PEG3: variants seen among roughly 807,000 people sequenced by gnomAD.
The protein encoded by PEG3 is paternally-expressed gene 3 protein.
A neutral mutation model predicts 35.5 loss-of-function variants in PEG3; 23 were observed. That is an observed-to-expected ratio of 0.65 (90% CI 0.47 to 0.92). The LOEUF is 0.92. PEG3 is among the 40% of genes least tolerant of loss of function. The pLI is 0.00. For missense variants in PEG3, 1,960 were observed against 1,985.3 expected (o/e 0.99, Z 0.24); for synonymous variants, 707 against 697.0 (o/e 1.01, Z -0.23).
At chr19:56,824,062 G>C (rs1425725437) in intron 4 of PEG3, among the ~76,000 whole-genome samples, 200 bp downstream of exon 4, 2 of 152,106 alleles carry the variant, frequency 1.3e-5, no homozygotes, top group African/African-American at 4.8e-5. Context: ...GGGATACCTG[G>C]GCATGTGTGG....
chr19:56,830,861 A>AG (rs1450249446), intron 2 of PEG3, among the ~76,000 whole-genome samples: 1 of 152,124 alleles, frequency 6.6e-6, no homozygotes, highest in East Asian at 1.9e-4. Context: ...TGGGAGGTGG[A>AG]GGGGGCAGTG....
At position 56,810,985 on chromosome 19, in the gene PEG3, G is replaced by T; in HGVS notation, c.*2690C>A. On this transcript the variant is annotated 3_prime_UTR_variant, in exon 10 of 10. Transcript: ENST00000326441. ...TTAACCATAATTCCACAAAGGTAAT[G>T]TAACAGCTATTTTGAATATACATTT... 1 of 973,374 alleles carries T rather than the reference G, an allele frequency of 1.0e-6. No individual in the cohort carries two copies. Among genetic ancestry groups the T allele is most frequent in the Non-Finnish European group, 1.2e-6 (1 of 818,958 alleles). The allele number at this position is 973,374 out of a possible 1,614,324, so 60.3% of individuals were successfully genotyped here.
At position 56,816,370 on chromosome 19, in the gene PEG3, C is replaced by T. The variant is rs56332142; in HGVS notation, c.2072G>A (p.Arg691Gln). The T allele has an allele frequency of 1.1e-4, 181 of 1,614,034 alleles. No individual in the cohort carries two copies. The highest frequency in any genetic ancestry group is 1.6e-4 in the East Asian group (7 of 44,862). ...KEKLCDFTDG[R>Q]DAFMQSSELS... ...CTCTGAGCTTTGCATGAAGGCATCC[C>T]GGCCATCTGTAAAGTCACAGAGCTT... Residue 691 changes from arginine (R) to glutamine (Q), a missense_variant, in exon 10 of 10, where the codon CGG becomes CAG. Around this residue, in one of 5 missense-constraint regions of PEG3, gnomAD observed 798 missense variants for 782.4 expected, o/e 1.02. Coordinates refer to ENST00000326441, the MANE Select transcript of PEG3 (RefSeq NM_006210.3).
intron 4 of PEG3, among the ~76,000 whole-genome samples, chr19:56,824,001 C>T (rs903311953): frequency 5.3e-5 from 8 of 152,160 alleles, no homozygotes; most frequent in African/African-American, 1.9e-4. Context: ...TCTCCTTTCC[C>T]TCTCCTGACT....
At chr19:56,838,351 C>T (rs1018139947) in intron 1 of PEG3, among the ~76,000 whole-genome samples, 10 of 152,210 alleles carry the variant, frequency 6.6e-5, no homozygotes, top group Non-Finnish European at 1.2e-4. Context: ...CGCAATCAAC[C>T]TCGGGCGCCA....
Position 56,823,603 on chromosome 19 carries a change from G to T in PEG3, c.471C>A (p.Val157=). The change falls in exon 5 of 10, where the codon GTC becomes GTA. Residue 157 remains valine, a synonymous_variant. Transcript: ENST00000326441. ...NRRESSPPHS[V]HSFSDRDWDR... ...ATGGGTACTCACCACTGAAAGAATG[G>T]ACTGAGTGAGGTGGTGAGGACTCTC... 2 of 1,614,106 alleles carry T rather than the reference G, an allele frequency of 1.2e-6. No individual in the cohort carries two copies. Among genetic ancestry groups the T allele is most frequent in the Non-Finnish European group, 1.7e-6 (2 of 1,180,018 alleles).
At position 56,814,500 on chromosome 19, in the gene PEG3, G is replaced by A; in HGVS notation, c.3942C>T (p.Ser1314=). ...HKNEPYEYGS[S]YTHTSFLTEP... Reference sequence around the variant, plus strand: ...CAGTAAGAAATGAGGTGTGAGTATAGGAGGACCCGTACTCATAGGGCTCAT... The same window carrying A: ...CAGTAAGAAATGAGGTGTGAGTATAAGAGGACCCGTACTCATAGGGCTCAT... The change falls in exon 10 of 10, where the codon TCC becomes TCT. Residue 1314 remains serine, a synonymous_variant. Transcript: ENST00000326441. The surrounding 1 kb of genome is among the most constrained non-coding windows in gnomAD (Gnocchi z 5.8). 6.2e-7 allele frequency: 1 copy of A among 1,613,970 alleles called. No homozygotes were observed. Among genetic ancestry groups the A allele is most frequent in the Non-Finnish European group, 8.5e-7 (1 of 1,179,888 alleles).
Position 56,816,488 on chromosome 19 carries a change from C to T in PEG3, c.1954G>A (p.Gly652Arg), listed in dbSNP as rs2146196793. 1 of 1,613,486 alleles carries T rather than the reference C, an allele frequency of 6.2e-7. No homozygotes were observed. Among genetic ancestry groups the T allele is most frequent in the Non-Finnish European group, 8.5e-7 (1 of 1,179,620 alleles). ...TTACCCTTGTTTTCAAATGGGTTCCCTCTAGTATGGATTTTCTGATGTTCT... is the reference window on the plus strand; with the variant it reads ...TTACCCTTGTTTTCAAATGGGTTCCTTCTAGTATGGATTTTCTGATGTTCT... ...LKEHQKIHTR[G>R]NPFENKGKVC... The change falls in exon 10 of 10, where the codon GGG becomes AGG. Residue 652 changes from glycine to arginine, a missense_variant. Coordinates refer to ENST00000326441, the MANE Select transcript of PEG3 (RefSeq NM_006210.3).
chr19:56,831,983 T>C (rs1043489544), intron 2 of PEG3, among the ~76,000 whole-genome samples: 1 of 152,202 alleles, frequency 6.6e-6, no homozygotes, highest in Non-Finnish European at 1.5e-5. Context: ...CATGATCTCA[T>C]GTATGTAAAA....
chr19:56,818,864 C>T (rs766321582), intron 7 of PEG3, among the ~76,000 whole-genome samples, 162 bp from the exon 8 acceptor site: 3 of 152,204 alleles, frequency 2.0e-5, no homozygotes, highest in Non-Finnish European at 4.4e-5. Context: ...TAGGGACCTA[C>T]GTCGTACCTA....
At chr19:56,824,833 T>C in intron 3 of PEG3, 92 bp from the exon 4 acceptor site, 1 of 602,092 alleles carries the variant, frequency 1.7e-6, no homozygotes, top group East Asian at 2.8e-5. Flanking sequence ...ACAATGCTTT[T>C]GGGATATGGG....
At position 56,815,610 on chromosome 19, in the gene PEG3, A is replaced by G. The variant is rs1017681433; in HGVS notation, c.2832T>C (p.His944=). The change falls in exon 10 of 10, where the codon CAT becomes CAC. Residue 944 remains histidine, a synonymous_variant. Transcript: ENST00000326441. ...KARAKKKYIE[H]RSNETSVIHS... The stretch of plus-strand genomic sequence containing the variant: ...GAATTACAGAGGTCTCATTGCTCCT[A>G]TGCTCAATGTATTTCTTTTTAGCAC... 9 of 1,614,068 alleles carry G rather than the reference A, an allele frequency of 5.6e-6. No individual in the cohort carries two copies. In the African/African-American group the frequency reaches 9.3e-5, roughly 17 times the overall value.
In PEG3 at chr19:56,811,270, G is replaced by A. The variant is rs2059523929; in HGVS notation, c.*2405C>T. 1 of 933,930 alleles carries A rather than the reference G, an allele frequency of 1.1e-6. No individual in the cohort carries two copies. Among genetic ancestry groups the A allele is most frequent in the Admixed American group, 6.2e-5 (1 of 16,172 alleles). The allele number at this position is 933,930 out of a possible 1,614,324, so 57.9% of individuals were successfully genotyped here. A position where few individuals can be genotyped will look rare whatever the true frequency, so the allele number is the denominator to read the frequency against. ...AGCCTACAACAACAACACCACAACA[G>A]CTTTTGACTATAAGCATATATATTT... On this transcript the variant is annotated 3_prime_UTR_variant, in exon 10 of 10. Transcript: ENST00000326441.
chr19:56,834,018 G>C (rs1351836539), intron 2 of PEG3, among the ~76,000 whole-genome samples: 1 of 152,234 alleles, frequency 6.6e-6, no homozygotes, highest in East Asian at 1.9e-4. Flanking sequence ...TAGAAAGAGA[G>C]GAAATAATAT....
Position 56,818,639 on chromosome 19 carries a change from G to C in PEG3, c.733C>G (p.Gln245Glu), listed in dbSNP as rs2060199740. The change falls in exon 8 of 10, where the codon CAG (glutamine) becomes GAG (glutamate). Residue 245 changes from glutamine (Q) to glutamate (E), a missense_variant. Physicochemically the swap from Gln to Glu is conservative, Grantham distance 29 (BLOSUM62 2). This residue lies in a region of PEG3 where 613 missense variants were observed against 577.1 expected (regional missense o/e 1.06). Coordinates refer to ENST00000326441, the MANE Select transcript of PEG3 (RefSeq NM_006210.3). ...AEDRKPHNTI[Q>E]DNMENYRKLL... ...TTCCTGTAGTTTTCCATGTTGTCCT[G>C]GATTGTGTTGTGAGGTTTCCTGTCC... is the stretch of plus-strand genomic sequence containing the variant. 6.2e-7 allele frequency: 1 copy of C among 1,614,092 alleles called. No homozygotes were observed. Among genetic ancestry groups the C allele is most frequent in the Non-Finnish European group, 8.5e-7 (1 of 1,180,018 alleles).
At chr19:56,832,648 A>G (rs1480412113) in intron 2 of PEG3, among the ~76,000 whole-genome samples, 2 of 152,186 alleles carry the variant, frequency 1.3e-5, no homozygotes, top group Non-Finnish European at 2.9e-5. Flanking sequence ...GGGGACAAAG[A>G]AAGGTCACCA....
intron 2 of PEG3, among the ~76,000 whole-genome samples, chr19:56,829,631 G>C (rs930995464): frequency 6.6e-6 from 1 of 152,216 alleles, no homozygotes; most frequent in Non-Finnish European, 1.5e-5. Flanking sequence ...CCTGACACAA[G>C]GTGGGCCATA....
rs755317541 is a variant in PEG3, at chr19:56,815,155, T to A, written c.3287A>T (p.Asp1096Val). ...GTCATCAGGGTCATCCTTCTGAGGG[T>A]CTTCCATGTCTGAGCCTTGAATGAC... ...DPVIQGSDME[D>V]PQKDDPDDKI... Residue 1096 changes from aspartate (D) to valine (V), a missense_variant, in exon 10 of 10, where the codon GAC (aspartate) becomes GTC (valine). This residue lies in a region of PEG3 where 798 missense variants were observed against 782.4 expected (regional missense o/e 1.02). Transcript: ENST00000326441. 1 of 1,613,992 alleles carries A rather than the reference T, an allele frequency of 6.2e-7. No individual in the cohort carries two copies. The highest frequency in any genetic ancestry group is 1.1e-5 in the South Asian group (1 of 91,076).
chr19:56,823,909 C>G (rs969838803), intron 4 of PEG3, among the ~76,000 whole-genome samples: 3 of 152,138 alleles, frequency 2.0e-5, no homozygotes, highest in Non-Finnish European at 4.4e-5. Flanking sequence ...CCCCCAGACA[C>G]AAACAGCCAG....
Sources: gnomAD v4.1 joint callset for allele counts (sites outside exome capture counted in the v4.1 genomes callset) on GRCh38, gnomAD v4.1.1 for gene constraint, gnomAD v4.1.1 regional missense constraint, Gnocchi (gnomAD v3.1) non-coding constraint, MANE v1.5 for transcripts, NCBI Gene and HGNC (gene_info 2026-07-23, HGNC 2026-07-21) for gene names.